PPP4R2: variants seen among roughly 807,000 people sequenced by gnomAD.
The protein encoded by PPP4R2 is serine/threonine-protein phosphatase 4 regulatory subunit 2.
In PPP4R2, 13 loss-of-function variants were observed where a neutral mutation model predicts 47.2. The ratio of observed to expected loss-of-function variants is 0.28; its 90% CI spans 0.18 to 0.44. The LOEUF (loss-of-function observed/expected upper bound fraction) is 0.44. Among genes scored for constraint, PPP4R2 ranks in the 20% least tolerant of loss-of-function variants. The probability of loss-of-function intolerance (pLI) is 1.00; values close to 1 mark genes in which losing one functional copy is unlikely to be tolerated. For missense variants in PPP4R2, 421 were observed against 491.2 expected, an observed-to-expected ratio of 0.86 and a Z score of 1.35; for synonymous variants, 151 against 163.3, an observed-to-expected ratio of 0.92 and a Z score of 0.57.
At chr3:73,034,536 AGTTTT>A (rs889514622) in intron 2 of PPP4R2, among the ~76,000 whole-genome samples, 5 of 152,070 alleles carry the variant, frequency 3.3e-5, no homozygotes, top group Non-Finnish European at 7.4e-5. Context: ...AGCAAGCTAT[AGTTTT>A]GTTTTGTTTT....
At chr3:73,007,269 C>A (rs1701628129) in intron 2 of PPP4R2, among the ~76,000 whole-genome samples, 1 of 152,062 alleles carries the variant, frequency 6.6e-6, no homozygotes, top group South Asian at 2.1e-4. Context: ...TATTTTGATT[C>A]TGCTTTTTTT....
At chr3:73,050,274 A>G (rs1205403270) in intron 3 of PPP4R2, among the ~76,000 whole-genome samples, 1 of 151,990 alleles carries the variant, frequency 6.6e-6, no homozygotes, top group African/African-American at 2.4e-5. Flanking sequence ...CCGAACTTAC[A>G]TTTTTTAAAT....
intron 2 of PPP4R2, among the ~76,000 whole-genome samples, chr3:73,013,797 C>G (rs1415202635): frequency 3.9e-5 from 6 of 152,116 alleles, no homozygotes; most frequent in Middle Eastern, 3.2e-3. Context: ...TGCCACCGTG[C>G]CCAGCTAATT....
chr3:73,053,601 C>CT (rs1226433196), intron 3 of PPP4R2, among the ~76,000 whole-genome samples: 1 of 151,974 alleles, frequency 6.6e-6, no homozygotes, highest in African/African-American at 2.4e-5. Flanking sequence ...ATTGGGGTTC[C>CT]TTATCATTAT....
intron 2 of PPP4R2, among the ~76,000 whole-genome samples, chr3:73,044,639 GT>G (rs111422404): frequency 0.017 from 2,648 of 151,870 alleles, 81 homozygotes; most frequent in African/African-American, 0.06. Flanking sequence ...TTGTTCACTT[GT>G]TTTTTAGATA....
chr3:73,028,063 C>A (rs6784953), intron 2 of PPP4R2, among the ~76,000 whole-genome samples: 2 of 150,542 alleles, frequency 1.3e-5, no homozygotes, highest in African/African-American at 4.9e-5. Flanking sequence ...TTGAGACCAG[C>A]CTGGCCAACA....
intron 2 of PPP4R2, among the ~76,000 whole-genome samples, chr3:73,027,590 T>C (rs1350338776): frequency 3.9e-5 from 6 of 152,184 alleles, no homozygotes; most frequent in African/African-American, 1.4e-4. Context: ...CAGATAATTA[T>C]TGAGTGCCTA....
chr3:73,015,567 C>T (rs1434319151), intron 2 of PPP4R2, among the ~76,000 whole-genome samples: 1 of 151,860 alleles, frequency 6.6e-6, no homozygotes, highest in Non-Finnish European at 1.5e-5. Flanking sequence ...CCTCTGCCTC[C>T]CTGGTTCGAG....
At chr3:73,064,804 G>T in intron 7 of PPP4R2, 48 bp from the exon 8 acceptor site, 2 of 1,473,096 alleles carry the variant, frequency 1.4e-6, no homozygotes, top group Non-Finnish European at 1.8e-6. Context: ...GGATGTAGAA[G>T]ATGGGGAAAA....
chr3:73,050,598 C>T (rs949033485), intron 3 of PPP4R2, among the ~76,000 whole-genome samples: 3 of 152,168 alleles, frequency 2.0e-5, no homozygotes, highest in East Asian at 1.9e-4. Flanking sequence ...TGTATGTTCA[C>T]GCTTTTAAAA....
chr3:73,031,137 A>G (rs544944821), intron 2 of PPP4R2, among the ~76,000 whole-genome samples: 3 of 152,350 alleles, frequency 2.0e-5, no homozygotes, highest in East Asian at 1.9e-4. Flanking sequence ...TAAGTATAAC[A>G]TATGTAAATG....
Position 73,046,157 on chromosome 3 carries a change from G to T in PPP4R2, c.117-1029G>T, listed in dbSNP as rs568720218. Among the ~76,000 whole-genome samples, 3 of 152,272 alleles carry T rather than the reference G, an allele frequency of 2.0e-5. No homozygotes were observed. The South Asian group carries it at 6.2e-4, about 32-fold the overall frequency. On this transcript the variant is annotated intron_variant, in intron 2 of 8. Transcript: ENST00000356692. ...CTGCTGTCCTGACTCTTGCTACATG[G>T]ATTATCAGTTTTATCCACCTTGCTT... is the stretch of plus-strand genomic sequence containing the variant.
intron 2 of PPP4R2, among the ~76,000 whole-genome samples, chr3:73,015,612 A>G (rs2107236325): frequency 6.7e-6 from 1 of 149,376 alleles, no homozygotes; most frequent in Non-Finnish European, 1.5e-5. Context: ...ATTAGCTGGC[A>G]CTACAGGCGT....
intron 2 of PPP4R2, among the ~76,000 whole-genome samples, chr3:72,999,077 C>A (rs1701408853): frequency 6.6e-6 from 1 of 152,146 alleles, no homozygotes; most frequent in Non-Finnish European, 1.5e-5. Context: ...TAACAACTAG[C>A]CTAATTTTAG....
intron 2 of PPP4R2, among the ~76,000 whole-genome samples, chr3:73,003,721 CAG>C (rs1347382745): frequency 1.3e-5 from 2 of 151,322 alleles, no homozygotes; most frequent in Admixed American, 6.6e-5. Flanking sequence ...TTTTTTGAGA[CAG>C]AGTCTTGCTC....
At chr3:73,015,007 AT>A (rs757807882) in intron 2 of PPP4R2, 120 of 668,928 alleles carry the variant, frequency 1.8e-4, no homozygotes, top group South Asian at 2.5e-4. Context: ...CCCAGTCGTA[AT>A]TTTTTTTCCT....
At position 72,996,948 on chromosome 3, in the gene PPP4R2, G is replaced by T. The variant is rs1479361912; in HGVS notation, c.-90G>T. 3 of 1,042,442 alleles carry T rather than the reference G, an allele frequency of 2.9e-6. No individual in the cohort carries two copies. In the African/African-American group the frequency reaches 5.0e-5, roughly 17 times the overall value. The allele number at this position is 1,042,442 out of a possible 1,614,324, so 64.6% of individuals were successfully genotyped here. A position where few individuals can be genotyped will look rare whatever the true frequency, so the allele number is the denominator to read the frequency against. The stretch of plus-strand genomic sequence containing the variant: ...GCGTGCCGGAGTGTGTGCGAGGGAG[G>T]GGGAGGGCGTCGGGGGGGTGGGGGG... On this transcript the variant is annotated 5_prime_UTR_variant, in exon 1 of 9. Transcript: ENST00000356692.
intron 7 of PPP4R2, 61 bp downstream of exon 7, chr3:73,064,207 C>G: frequency 7.4e-7 from 1 of 1,359,242 alleles, no homozygotes. Context: ...AACATTTAAT[C>G]AGTACTTATC....
At position 73,068,354 on chromosome 3, in the gene PPP4R2, T is replaced by G. The variant is rs901636677; in HGVS notation, c.*2632T>G. 5 of 151,868 alleles carry G rather than the reference T, an allele frequency of 3.3e-5. No individual in the cohort carries two copies. Among genetic ancestry groups the G allele is most frequent in the African/African-American group, 1.2e-4 (5 of 41,234 alleles). The allele number at this position is 151,868 out of a possible 1,614,324, so 9.4% of individuals were successfully genotyped here. A position where few individuals can be genotyped will look rare whatever the true frequency, so the allele number is the denominator to read the frequency against. ...ACATGTAAAAAAAATTTGAAGATGG[T>G]GATGAGGAAAGTGAGATATATATAT... On this transcript the variant is annotated 3_prime_UTR_variant, in exon 9 of 9. Coordinates refer to ENST00000356692, the MANE Select transcript of PPP4R2 (RefSeq NM_174907.4).
Sources: gnomAD v4.1 joint callset for allele counts (sites outside exome capture counted in the v4.1 genomes callset) on GRCh38, gnomAD v4.1.1 for gene constraint, MANE v1.5 for transcripts, NCBI Gene and HGNC (gene_info 2026-07-23, HGNC 2026-07-21) for gene names.